Variants in ELOVL6 observed in about 807,000 individuals in gnomAD.
ELOVL6 encodes very long chain fatty acid elongase 6.
In ELOVL6, 8 loss-of-function variants were observed where a neutral mutation model predicts 31.7. The ratio of observed to expected loss-of-function variants is 0.25; its 90% CI spans 0.15 to 0.45. ELOVL6 has a LOEUF of 0.45. Ranked by LOEUF, ELOVL6 falls within the 20% of genes least tolerant of loss-of-function variation. ELOVL6 has a pLI of 1.00. For synonymous variants in ELOVL6, 101 were observed against 117.7 expected (o/e 0.86, Z 0.92); for missense variants, 126 against 326.4 (o/e 0.39, Z 4.73).
rs1367454037 is a variant in ELOVL6 at position 110,162,018 on chromosome 4, GGGA to G, written c.89+36226_89+36228del. Reference sequence around the variant, plus strand: ...CTGAAGAGCACACTGGCTATCCGCAGGGAGGAGAATTGTGTGGTTGGGGAAAGG... The same window carrying G: ...CTGAAGAGCACACTGGCTATCCGCAGGGAGAATTGTGTGGTTGGGGAAAGG... On this transcript the variant is annotated intron_variant, in intron 1 of 3. Transcript: ENST00000302274. Among the ~76,000 whole-genome samples, 19 of 152,282 alleles carry G rather than the reference GGGA, an allele frequency of 1.2e-4. No individual in the cohort carries two copies. The East Asian group carries it at 2.7e-3, about 22-fold the overall frequency.
At chr4:110,135,474 G>A (rs1475878871) in intron 1 of ELOVL6, among the ~76,000 whole-genome samples, 7 of 152,114 alleles carry the variant, frequency 4.6e-5, no homozygotes, top group Non-Finnish European at 8.8e-5. Flanking sequence ...TAATTTAGTT[G>A]GCAAATACGA....
intron 2 of ELOVL6, among the ~76,000 whole-genome samples, chr4:110,063,750 TAA>T (rs10658072): frequency 1.4e-5 from 2 of 143,970 alleles, no homozygotes; most frequent in Admixed American, 6.9e-5. Flanking sequence ...GGTCATACTT[TAA>T]AAAAAAAAAA....
chr4:110,112,943 G>A lies in ELOVL6; in HGVS notation c.90-7315C>T, dbSNP rs142076794. Among the ~76,000 whole-genome samples, 1,411 of 151,974 alleles carry A rather than the reference G, an allele frequency of 9.3e-3. 19 individuals carry two copies. The highest frequency in any genetic ancestry group is 0.033 in the African/African-American group (1,364 of 41,470). On this transcript the variant is annotated intron_variant, in intron 1 of 3. Transcript: ENST00000302274. ...TTATCTCCTTAGAGTAAAGCTTGCC[G>A]GCAGGGCACAGTGGCTCACGCCTGT...
At chr4:110,083,836 C>T in intron 2 of ELOVL6, among the ~76,000 whole-genome samples, 1 of 148,550 alleles carries the variant, frequency 6.7e-6, no homozygotes. Context: ...TCTATTTTGG[C>T]AGTATAGCTG....
intron 2 of ELOVL6, 41 bp from the exon 3 acceptor site, chr4:110,059,795 T>C (rs2126222242): frequency 2.5e-6 from 4 of 1,571,230 alleles, no homozygotes; most frequent in Non-Finnish European, 2.6e-6. Context: ...TTTAGGAAAA[T>C]AGTTTCACTT....
At chr4:110,177,734 G>C (rs1429624410) in intron 1 of ELOVL6, among the ~76,000 whole-genome samples, 1 of 152,068 alleles carries the variant, frequency 6.6e-6, no homozygotes, top group African/African-American at 2.4e-5. Context: ...AACAACCACT[G>C]AGGCTTCCAA....
intron 1 of ELOVL6, among the ~76,000 whole-genome samples, chr4:110,151,001 C>T (rs1033005788): frequency 6.6e-6 from 1 of 151,638 alleles, no homozygotes; most frequent in African/African-American, 2.4e-5. Context: ...CAAGATCGTG[C>T]CACTGCACTC....
intron 1 of ELOVL6, among the ~76,000 whole-genome samples, chr4:110,163,049 T>C (rs1339998262): frequency 6.6e-6 from 1 of 152,190 alleles, no homozygotes; most frequent in African/African-American, 2.4e-5. Flanking sequence ...ATAAAAATAG[T>C]ACAGAATCAC....
intron 1 of ELOVL6, among the ~76,000 whole-genome samples, chr4:110,124,050 T>C (rs1371985392): frequency 1.3e-5 from 2 of 152,210 alleles, no homozygotes; most frequent in Non-Finnish European, 2.9e-5. Flanking sequence ...TTAGACAGTC[T>C]GTAGACAGAT....
intron 1 of ELOVL6, among the ~76,000 whole-genome samples, chr4:110,117,365 C>T (rs1168937078): frequency 6.6e-6 from 1 of 152,164 alleles, no homozygotes; most frequent in African/African-American, 2.4e-5. Context: ...GGTGATACCA[C>T]TTATGCCTCA....
intron 1 of ELOVL6, among the ~76,000 whole-genome samples, chr4:110,131,091 C>T (rs538989605): frequency 6.6e-6 from 1 of 152,190 alleles, no homozygotes. Context: ...GTAAGGTCTG[C>T]ACCTTGGACA....
At chr4:110,107,528 G>A (rs1027481444) in intron 1 of ELOVL6, among the ~76,000 whole-genome samples, 8 of 152,136 alleles carry the variant, frequency 5.3e-5, no homozygotes, top group African/African-American at 1.7e-4. Context: ...GAAAGACATT[G>A]ATTATTTCTA....
chr4:110,188,573 C>A (rs1041054441), intron 1 of ELOVL6, among the ~76,000 whole-genome samples: 7 of 152,038 alleles, frequency 4.6e-5, no homozygotes, highest in Non-Finnish European at 7.4e-5. Context: ...AGGGTGGCTG[C>A]AAGGGTTTAA....
rs553881266 is a variant in ELOVL6 at position 110,180,025 on chromosome 4, T to C, written c.89+18222A>G. On this transcript the variant is annotated intron_variant, in intron 1 of 3. Transcript: ENST00000302274. ...CTCTGTGGGGAAGAAATATCAGCCA[T>C]AAAATGTTTAGTCAGAAGACAAACT... is the stretch of plus-strand genomic sequence containing the variant. Among the ~76,000 whole-genome samples the C allele has an allele frequency of 3.3e-5, 5 of 152,316 alleles. No homozygotes were observed. The South Asian group carries it at 8.3e-4, about 25-fold the overall frequency.
chr4:110,168,498 G>A (rs766083305), intron 1 of ELOVL6, among the ~76,000 whole-genome samples: 8 of 151,406 alleles, frequency 5.3e-5, no homozygotes, highest in Non-Finnish European at 8.8e-5. Flanking sequence ...CAGCCTGGGC[G>A]ACAGAGCAAG....
intron 1 of ELOVL6, among the ~76,000 whole-genome samples, chr4:110,184,281 T>C (rs948067051): frequency 1.3e-5 from 2 of 152,220 alleles, no homozygotes; most frequent in African/African-American, 4.8e-5. Context: ...TGTCCATGCA[T>C]GCATTCATTC....
intron 2 of ELOVL6, among the ~76,000 whole-genome samples, chr4:110,095,618 T>C (rs985682207): frequency 5.9e-5 from 9 of 152,104 alleles, no homozygotes; most frequent in Non-Finnish European, 1.2e-4. Flanking sequence ...CAAGGCAAGA[T>C]TGTACATTTT....
At chr4:110,188,408 A>G (rs1200819499) in intron 1 of ELOVL6, among the ~76,000 whole-genome samples, 1 of 152,116 alleles carries the variant, frequency 6.6e-6, no homozygotes, top group African/African-American at 2.4e-5. Flanking sequence ...TTAATATTCA[A>G]ATAAGAGGAT....
intron 1 of ELOVL6, among the ~76,000 whole-genome samples, chr4:110,188,993 G>A (rs1353776422): frequency 6.6e-6 from 1 of 151,986 alleles, no homozygotes; most frequent in Non-Finnish European, 1.5e-5. Context: ...AATCTACCCT[G>A]CTGTCTAGGT....
Sources: gnomAD v4.1 joint callset for allele counts (sites outside exome capture counted in the v4.1 genomes callset) on GRCh38, gnomAD v4.1.1 for gene constraint, MANE v1.5 for transcripts, NCBI Gene and HGNC (gene_info 2026-07-23, HGNC 2026-07-21) for gene names.